The following SPRYD3 variants were observed in gnomAD, a reference collection of about 807,000 sequenced individuals.
SPRYD3 encodes SPRY domain-containing protein 3.
A neutral mutation model predicts 50.1 loss-of-function variants in SPRYD3; 17 were observed. That is an observed-to-expected ratio of 0.34 (90% confidence interval 0.23 to 0.51). SPRYD3 has a LOEUF of 0.51. Among genes scored for constraint, SPRYD3 ranks in the 20% least tolerant of loss-of-function variants. The pLI, the probability that SPRYD3 is intolerant of heterozygous loss-of-function variation, is 0.97. For synonymous variants in SPRYD3, 198 were observed against 215.5 expected, an observed-to-expected ratio of 0.92 and a Z score of 0.71; for missense variants, 401 against 591.2, an observed-to-expected ratio of 0.68 and a Z score of 3.34.
At chr12:53,068,896 G>A (rs1439499347) in intron 6 of SPRYD3, among the ~76,000 whole-genome samples, 1 of 152,148 alleles carries the variant, frequency 6.6e-6, no homozygotes, top group Non-Finnish European at 1.5e-5. Context: ...GCTGGGTCAG[G>A]GAGGTGCTGA....
Position 53,067,662 on chromosome 12 carries a change from ACAGACCCTCTGCTC to A in SPRYD3, c.873_886del (p.Trp291CysfsTer45). ...CCGCTATTCACCTGCATGATAAGCC[ACAGACCCTCTGCTC>A]CAGCCAGGGTGCCTGTTCTTGGGAT... On this transcript the variant is annotated frameshift_variant, in exon 8 of 11. Coordinates refer to ENST00000301463, the MANE Select transcript of SPRYD3 (RefSeq NM_032840.3). LOFTEE classifies it high-confidence loss of function. 6.2e-7 allele frequency: 1 copy of A among 1,614,114 alleles called. No homozygotes were observed. The highest frequency in any genetic ancestry group is 8.5e-7 in the Non-Finnish European group (1 of 1,179,974).
intron 1 of SPRYD3, chr12:53,077,939 C>A: frequency 3.6e-6 from 1 of 279,548 alleles, no homozygotes; most frequent in Non-Finnish European, 7.4e-6. Flanking sequence ...GCAATCCCAG[C>A]ACCTTGGGAG....
At chr12:53,069,210 C>A (rs1436683994) in intron 6 of SPRYD3, among the ~76,000 whole-genome samples, 1 of 152,094 alleles carries the variant, frequency 6.6e-6, no homozygotes, top group Non-Finnish European at 1.5e-5. Flanking sequence ...TTTCCCCCAC[C>A]TTCGGCCTCA....
intron 6 of SPRYD3, among the ~76,000 whole-genome samples, chr12:53,071,211 C>T (rs1466210638): frequency 2.0e-5 from 3 of 152,228 alleles, no homozygotes; most frequent in African/African-American, 7.2e-5. Context: ...AGCACAGCCT[C>T]CCTCTGGGCT....
chr12:53,077,450 G>C (rs1050102780), intron 1 of SPRYD3, among the ~76,000 whole-genome samples, 189 bp from the exon 2 acceptor site: 1 of 152,194 alleles, frequency 6.6e-6, no homozygotes, highest in East Asian at 1.9e-4. Flanking sequence ...GCTTTTCTCC[G>C]TGCTAGGGAT....
chr12:53,075,071 C>A, intron 4 of SPRYD3, 24 bp downstream of exon 4: 1 of 1,606,372 alleles, frequency 6.2e-7, no homozygotes, highest in Non-Finnish European at 8.5e-7. Context: ...GGAAAAGGGC[C>A]GGGTTGCACA....
rs2121205962 is a variant in SPRYD3, at chr12:53,074,003, C to T, written c.508-532G>A. Among the ~76,000 whole-genome samples, 1 of 152,226 alleles carries T rather than the reference C, an allele frequency of 6.6e-6. No homozygotes were observed. Among genetic ancestry groups the T allele is most frequent in the East Asian group, 1.9e-4 (1 of 5,176 alleles). On this transcript the variant is annotated intron_variant, in intron 5 of 10. Transcript: ENST00000301463. This position sits in a 1 kb window ranked among gnomAD's most constrained non-coding sequence, Gnocchi z 4.6. ...GAGCTAGAAGACAAACACAAGTCTC[C>T]TGACTTGCTGCCAAATACTTTCAGT... is the stretch of plus-strand genomic sequence containing the variant.
intron 1 of SPRYD3, among the ~76,000 whole-genome samples, 189 bp from the exon 2 acceptor site, chr12:53,077,450 G>A (rs1050102780): frequency 1.3e-4 from 20 of 152,312 alleles, no homozygotes; most frequent in Middle Eastern, 3.4e-3. Context: ...GCTTTTCTCC[G>A]TGCTAGGGAT....
chr12:53,075,942 A>G (rs761286452), intron 2 of SPRYD3, 131 bp from the exon 3 acceptor site: 7 of 706,860 alleles, frequency 9.9e-6, no homozygotes, highest in Admixed American at 4.3e-5. Context: ...ACTTCAGTAC[A>G]TCGGCAGACA....
chr12:53,066,106 G>C, intron 10 of SPRYD3, 140 bp from the exon 11 acceptor site: 1 of 1,358,140 alleles, frequency 7.4e-7, no homozygotes, highest in Non-Finnish European at 1.0e-6. Flanking sequence ...GTTATGGGAA[G>C]TGACCACCAG....
chr12:53,069,732 G>A (rs746863501), intron 6 of SPRYD3, among the ~76,000 whole-genome samples: 10 of 152,212 alleles, frequency 6.6e-5, no homozygotes, highest in Non-Finnish European at 1.5e-5. Flanking sequence ...TGCTCAGCCT[G>A]GGTTCCTCCT....
intron 6 of SPRYD3, 85 bp from the exon 7 acceptor site, chr12:53,068,389 T>A (rs1944525617): frequency 1.3e-6 from 2 of 1,510,446 alleles, no homozygotes; most frequent in African/African-American, 1.4e-5. Context: ...TGGGTCCCAC[T>A]TTCCCAGGTC....
chr12:53,065,799 G>A lies in SPRYD3; in HGVS notation c.*33C>T, dbSNP rs1271952473. 1 of 1,596,790 alleles carries A rather than the reference G, an allele frequency of 6.3e-7. No homozygotes were observed. The highest frequency in any genetic ancestry group is 1.1e-5 in the South Asian group (1 of 89,878). On this transcript the variant is annotated 3_prime_UTR_variant, in exon 11 of 11. Coordinates refer to ENST00000301463, the MANE Select transcript of SPRYD3 (RefSeq NM_032840.3). The stretch of plus-strand genomic sequence containing the variant: ...GGGTGCCTGGCCCAGCAGAGGGTGA[G>A]CAGGGAGAAGGAGCAGGTCTGGAGG...
rs961684220 is a variant in SPRYD3, at chr12:53,064,894, C to A, written c.*938G>T. On this transcript the variant is annotated 3_prime_UTR_variant, in exon 11 of 11. Transcript: ENST00000301463. ...TAAGTGCTAGAATCAAACACTGAAG[C>A]GAAACAGGCAACTGGCACAAGCAGC... 6.6e-6 allele frequency: 1 copy of A among 152,620 alleles called. No individual in the cohort carries two copies. Among genetic ancestry groups the A allele is most frequent in the African/African-American group, 2.4e-5 (1 of 41,418 alleles). 9.5% of individuals were successfully genotyped at this position (152,620 alleles called of 1,614,324 possible). A position where few individuals can be genotyped will look rare whatever the true frequency, so the allele number is the denominator to read the frequency against.
chr12:53,073,268 C>A lies in SPRYD3; in HGVS notation c.693+18G>T, dbSNP rs746720322. The A allele has an allele frequency of 2.2e-5, 5 of 230,750 alleles. No homozygotes were observed. The highest frequency in any genetic ancestry group is 8.6e-5 in the South Asian group (2 of 23,284). 14.3% of individuals were successfully genotyped at this position (230,750 alleles called of 1,614,324 possible). A position where few individuals can be genotyped will look rare whatever the true frequency, so the allele number is the denominator to read the frequency against. ...CTCCTCCGACCCAGCCCCTCCCACCCTCCCACCCGCTACTTACAGTCCCAC... is the reference window on the plus strand; with the variant it reads ...CTCCTCCGACCCAGCCCCTCCCACCATCCCACCCGCTACTTACAGTCCCAC... On this transcript the variant is annotated intron_variant, in intron 6 of 10. Transcript: ENST00000301463.
chr12:53,079,342 C>T lies in SPRYD3; in HGVS notation c.-9G>A, dbSNP rs527984234. 2.5e-6 allele frequency: 4 copies of T among 1,607,574 alleles called. 1 individual carries two copies. The African/African-American group carries it at 5.4e-5, about 22-fold the overall frequency. On this transcript the variant is annotated 5_prime_UTR_variant, in exon 1 of 11. Coordinates refer to ENST00000301463, the MANE Select transcript of SPRYD3 (RefSeq NM_032840.3). ...CGCCGCGTCCTCCTCATCCATAGGC[C>T]TCTCAGCTCCGCACACAAGCTCTTC... is the stretch of plus-strand genomic sequence containing the variant.
chr12:53,067,583 A>G lies in SPRYD3; in HGVS notation c.901+65T>C. 3 of 1,494,328 alleles carry G rather than the reference A, an allele frequency of 2.0e-6. No individual in the cohort carries two copies. The South Asian group carries it at 3.4e-5, about 17-fold the overall frequency. 92.6% of individuals were successfully genotyped at this position (1,494,328 alleles called of 1,614,324 possible). On this transcript the variant is annotated intron_variant, in intron 8 of 10. Coordinates refer to ENST00000301463, the MANE Select transcript of SPRYD3 (RefSeq NM_032840.3). The stretch of plus-strand genomic sequence containing the variant: ...TTTGTGAGGGGCCAGGAGAGGGGAA[A>G]GTGGATGTCCCTATGCCTCCACATC...
intron 7 of SPRYD3, 33 bp from the exon 8 acceptor site, chr12:53,067,738 C>T: frequency 1.3e-6 from 2 of 1,596,682 alleles, no homozygotes; most frequent in South Asian, 2.2e-5. Flanking sequence ...AATCTATGGT[C>T]CCATGCATAA....
Position 53,073,402 on chromosome 12 carries a change from C to A in SPRYD3, c.577G>T (p.Glu193Ter). The change falls in exon 6 of 11, where the codon GAG becomes TAG. Residue 193 changes from glutamate (E) to a stop codon, truncating the protein, a stop_gained. Coordinates refer to ENST00000301463, the MANE Select transcript of SPRYD3 (RefSeq NM_032840.3). LOFTEE classifies it high-confidence loss of function. ...GCGTTGAGGTGCAGCCGCACCTCCTCACCCAGGGAGTGCATGCCCACTGCT... is the reference window on the plus strand; with the variant it reads ...GCGTTGAGGTGCAGCCGCACCTCCTAACCCAGGGAGTGCATGCCCACTGCT... ...FPAVGMHSLG[E>*]EVRLHLNAEL... is the part of the protein sequence containing the mutation. 1.3e-6 allele frequency: 2 copies of A among 1,580,750 alleles called. No homozygotes were observed. Among genetic ancestry groups the A allele is most frequent in the Admixed American group, 1.8e-5 (1 of 54,444 alleles).
Sources: allele counts gnomAD v4.1 joint callset (sites outside exome capture counted in the v4.1 genomes callset), GRCh38; gene constraint gnomAD v4.1.1; non-coding constraint Gnocchi (gnomAD v3.1); transcripts MANE v1.5; gene names NCBI Gene and HGNC (gene_info 2026-07-23, HGNC 2026-07-21).